Variants in SLC39A11 observed in about 807,000 individuals in gnomAD.
SLC39A11 encodes solute carrier family 39 member 11, also known as zinc transporter ZIP11.
A neutral mutation model predicts 36.1 loss-of-function variants in SLC39A11; 33 were observed. The ratio of observed to expected loss-of-function variants is 0.91; its 90% confidence interval spans 0.69 to 1.22. The LOEUF is 1.22. SLC39A11 is among the 50% of genes most tolerant of loss of function. The probability of loss-of-function intolerance (pLI) is 0.00; values close to 1 mark genes in which losing one functional copy is unlikely to be tolerated. For synonymous variants in SLC39A11, 166 were observed against 170.3 expected, an observed-to-expected ratio of 0.97 and a Z score of 0.20; for missense variants, 432 against 430.3, an observed-to-expected ratio of 1.00 and a Z score of -0.03.
intron 5 of SLC39A11, among the ~76,000 whole-genome samples, chr17:72,938,074 C>T (rs931496850): frequency 2.6e-5 from 4 of 152,150 alleles, no homozygotes; most frequent in African/African-American, 4.8e-5. Flanking sequence ...CACGTTGCAA[C>T]TCTGAAAATC....
rs2076279449 is a variant in SLC39A11, at chr17:72,780,529, GGT to G, written c.602-43812_602-43811del. The stretch of plus-strand genomic sequence containing the variant: ...CTAAGGGCCCTGAAGATGGGGGGCG[GGT>G]GGGGGCACAACTGTGTGTCTGCTTT... On this transcript the variant is annotated intron_variant, in intron 6 of 9. Transcript: ENST00000255559. Among the ~76,000 whole-genome samples, 17 of 116,966 alleles carry G rather than the reference GGT, an allele frequency of 1.5e-4. 1 individual carries two copies. The highest frequency in any genetic ancestry group is 7.5e-4 in the Admixed American group (8 of 10,628). The allele number at this position is 116,966 out of a possible 152,430, so 76.7% of individuals were successfully genotyped here.
At chr17:72,806,928 T>A (rs1282446081) in intron 6 of SLC39A11, among the ~76,000 whole-genome samples, 1 of 152,238 alleles carries the variant, frequency 6.6e-6, no homozygotes, top group Non-Finnish European at 1.5e-5. Flanking sequence ...CTTTCTGGAA[T>A]GCTGACGAGT....
At chr17:72,719,256 C>T (rs1026653655) in intron 7 of SLC39A11, among the ~76,000 whole-genome samples, 19 of 152,030 alleles carry the variant, frequency 1.2e-4, no homozygotes, top group African/African-American at 4.1e-4. Context: ...AAAAGCAATC[C>T]TGAATCTGCC....
intron 6 of SLC39A11, among the ~76,000 whole-genome samples, chr17:72,793,110 T>A (rs1442726608): frequency 6.6e-6 from 1 of 152,120 alleles, no homozygotes; most frequent in East Asian, 1.9e-4. Flanking sequence ...GGCCTGTAAG[T>A]CAGGGAGTGA....
At chr17:73,088,856 T>C in intron 1 of SLC39A11, 81 bp from the exon 2 acceptor site, 1 of 1,036,038 alleles carries the variant, frequency 9.7e-7, no homozygotes, top group Non-Finnish European at 1.5e-6. Context: ...CCTAACACCC[T>C]GTGTGGGAGC....
chr17:72,750,119 G>A (rs144010024), intron 6 of SLC39A11, among the ~76,000 whole-genome samples: 19 of 152,220 alleles, frequency 1.2e-4, no homozygotes, highest in Admixed American at 1.0e-3. Context: ...GGTGGGTGGC[G>A]CCCATTCTGT....
rs761879462 is a variant in SLC39A11, at chr17:72,796,965, C to T, written c.601+52669G>A. Among the ~76,000 whole-genome samples, 131 of 152,120 alleles carry T rather than the reference C, an allele frequency of 8.6e-4. 2 individuals carry two copies. Among genetic ancestry groups the T allele is most frequent in the Non-Finnish European group, 1.2e-4 (8 of 68,034 alleles). On this transcript the variant is annotated intron_variant, in intron 6 of 9. Transcript: ENST00000255559. Reference sequence around the variant, plus strand: ...AGTGCCAAAGAAGTGATGTGTACAGCATGTGTCAGAAGGGAGCTGTCCCTA... The same window carrying T: ...AGTGCCAAAGAAGTGATGTGTACAGTATGTGTCAGAAGGGAGCTGTCCCTA...
At chr17:72,829,779 T>C (rs755414492) in intron 6 of SLC39A11, among the ~76,000 whole-genome samples, 3 of 152,098 alleles carry the variant, frequency 2.0e-5, no homozygotes, top group Non-Finnish European at 4.4e-5. Context: ...ACCCAGTTAA[T>C]GTCCCCTCCT....
chr17:72,847,187 G>A (rs2079088439), intron 6 of SLC39A11, among the ~76,000 whole-genome samples: 1 of 152,172 alleles, frequency 6.6e-6, no homozygotes. Flanking sequence ...CTAATCACTT[G>A]AGGCCGGGAG....
chr17:73,007,148 C>A (rs529825873), intron 4 of SLC39A11, among the ~76,000 whole-genome samples: 1 of 152,112 alleles, frequency 6.6e-6, no homozygotes, highest in Non-Finnish European at 1.5e-5. Flanking sequence ...CAGGGCCGGG[C>A]GCAGTGGCTC....
At chr17:72,730,333 C>T (rs1014989813) in intron 7 of SLC39A11, among the ~76,000 whole-genome samples, 7 of 152,204 alleles carry the variant, frequency 4.6e-5, no homozygotes, top group Admixed American at 4.6e-4. Context: ...TGACCTTTAT[C>T]CCTTATCTGG....
rs537801203 is a variant in SLC39A11, at chr17:72,943,185, G to A, written c.430+4567C>T. Among the ~76,000 whole-genome samples, 14 of 152,300 alleles carry A rather than the reference G, an allele frequency of 9.2e-5. No homozygotes were observed. In the South Asian group the frequency reaches 1.9e-3, roughly 20 times the overall value. On this transcript the variant is annotated intron_variant, in intron 5 of 9. Coordinates refer to ENST00000255559, the MANE Select transcript of SLC39A11 (RefSeq NM_139177.4). ...CGTGTTCCCGAACAGGACAAGCCCT[G>A]GGGTTGCTGATCCGGGGTTGGGCAC...
chr17:72,902,101 G>A (rs138916446), intron 5 of SLC39A11, among the ~76,000 whole-genome samples: 11 of 151,890 alleles, frequency 7.2e-5, no homozygotes, highest in Non-Finnish European at 1.2e-4. Context: ...GTAAAACCCC[G>A]TCTCTACTAA....
intron 6 of SLC39A11, among the ~76,000 whole-genome samples, chr17:72,784,383 G>A (rs545880903): frequency 1.3e-5 from 2 of 152,042 alleles, no homozygotes; most frequent in African/African-American, 2.4e-5. Flanking sequence ...GGGTGCGTGG[G>A]GCTGGAAGAT....
rs546292384 is a variant in SLC39A11 at position 72,922,528 on chromosome 17, G to A, written c.430+25224C>T. ...GTGTGCACATGCTACAGGGTGAGAA[G>A]AAAGAGGCCTCGAGGAATAAAAATA... On this transcript the variant is annotated intron_variant, in intron 5 of 9. Coordinates refer to ENST00000255559, the MANE Select transcript of SLC39A11 (RefSeq NM_139177.4). 6.6e-5 allele frequency among the ~76,000 whole-genome samples: 10 copies of A among 152,356 alleles called. No individual in the cohort carries two copies. The South Asian group carries it at 1.9e-3, about 28-fold the overall frequency.
intron 7 of SLC39A11, among the ~76,000 whole-genome samples, chr17:72,674,854 A>G (rs774261904): frequency 6.6e-6 from 1 of 152,146 alleles, no homozygotes; most frequent in Non-Finnish European, 1.5e-5. Context: ...TTGGTGAATT[A>G]TCTGGTCACA....
chr17:72,891,727 T>C (rs1487116032), intron 5 of SLC39A11, among the ~76,000 whole-genome samples: 1 of 151,984 alleles, frequency 6.6e-6, no homozygotes, highest in African/African-American at 2.4e-5. Flanking sequence ...CACACACAGA[T>C]ACATACATAT....
chr17:72,888,799 G>A (rs1047190293), intron 5 of SLC39A11, among the ~76,000 whole-genome samples: 1 of 152,122 alleles, frequency 6.6e-6, no homozygotes, highest in Non-Finnish European at 1.5e-5. Context: ...CTACTTGGGA[G>A]GCTGAGGAGA....
In SLC39A11 at chr17:73,079,651, T is replaced by C. The variant is rs190058889; in HGVS notation, c.147+5157A>G. Among the ~76,000 whole-genome samples, 448 of 152,112 alleles carry C rather than the reference T, an allele frequency of 2.9e-3. 2 individuals are homozygous for C. The highest frequency in any genetic ancestry group is 1.0e-2 in the African/African-American group (414 of 41,490). On this transcript the variant is annotated intron_variant, in intron 3 of 9. Transcript: ENST00000255559. Reference sequence around the variant, plus strand: ...GTACTAGAAGTCCCAGCCACAGCAATCAGACAAGAGAAAGAAAGAAAGGGC... The same window carrying C: ...GTACTAGAAGTCCCAGCCACAGCAACCAGACAAGAGAAAGAAAGAAAGGGC...
Sources: allele counts gnomAD v4.1 joint callset (sites outside exome capture counted in the v4.1 genomes callset), GRCh38; gene constraint gnomAD v4.1.1; transcripts MANE v1.5; gene names NCBI Gene and HGNC (gene_info 2026-07-23, HGNC 2026-07-21).